Variants in SLTM observed in about 807,000 individuals in gnomAD.
SLTM encodes SAFB-like transcription modulator.
In SLTM, 43 loss-of-function variants were observed where a neutral mutation model predicts 134.6. That is an observed-to-expected ratio of 0.32 (90% CI 0.25 to 0.41). The LOEUF (loss-of-function observed/expected upper bound fraction) is 0.41. Ranked by LOEUF, SLTM falls within the 10% of genes least tolerant of loss-of-function variation. The probability of loss-of-function intolerance (pLI) is 1.00; values close to 1 mark genes in which losing one functional copy is unlikely to be tolerated. For synonymous variants in SLTM, 424 were observed against 432.3 expected (o/e 0.98, Z 0.24); for missense variants, 1,055 against 1,288.8 (o/e 0.82, Z 2.78).
chr15:58,903,004 C>T (rs987839907), intron 5 of SLTM, among the ~76,000 whole-genome samples: 4 of 152,026 alleles, frequency 2.6e-5, no homozygotes, highest in Non-Finnish European at 2.9e-5. Flanking sequence ...CGGGTTCAAG[C>T]GATTCTCCTG....
intron 5 of SLTM, among the ~76,000 whole-genome samples, chr15:58,909,826 T>C (rs1035836591): frequency 3.3e-5 from 5 of 152,198 alleles, no homozygotes; most frequent in African/African-American, 1.2e-4. Flanking sequence ...ATCCAGGCCT[T>C]GGAAGCTCTA....
chr15:58,879,788 A>C lies in SLTM; in HGVS notation c.*211T>G. The C allele has an allele frequency of 1.8e-6, 1 of 545,892 alleles. No homozygotes were observed. Among genetic ancestry groups the C allele is most frequent in the Non-Finnish European group, 3.0e-6 (1 of 337,010 alleles). 33.8% of individuals were successfully genotyped at this position (545,892 alleles called of 1,614,324 possible). A position where few individuals can be genotyped will look rare whatever the true frequency, so the allele number is the denominator to read the frequency against. The stretch of plus-strand genomic sequence containing the variant: ...AATGTGCCTCGGTGCTGCAAGAAAA[A>C]AAGTTGAATGATACACAAAACTATT... On this transcript the variant is annotated 3_prime_UTR_variant, in exon 21 of 21. Coordinates refer to ENST00000380516, the MANE Select transcript of SLTM (RefSeq NM_024755.4).
At chr15:58,889,632 A>C in intron 15 of SLTM, 78 bp from the exon 16 acceptor site, 2 of 1,560,236 alleles carry the variant, frequency 1.3e-6, no homozygotes, top group Non-Finnish European at 1.7e-6. Context: ...CCTTGTTTTA[A>C]TCCTGTTGCT....
At chr15:58,914,541 T>A (rs2036498892) in intron 3 of SLTM, among the ~76,000 whole-genome samples, 1 of 152,078 alleles carries the variant, frequency 6.6e-6, no homozygotes, top group South Asian at 2.1e-4. Flanking sequence ...GAGCAGGGGA[T>A]CTCTTGTTTG....
intron 5 of SLTM, among the ~76,000 whole-genome samples, chr15:58,903,897 T>C (rs939150811): frequency 1.3e-5 from 2 of 152,224 alleles, no homozygotes; most frequent in African/African-American, 2.4e-5. Flanking sequence ...TAGATTCATA[T>C]AAAAGCATGC....
intron 5 of SLTM, among the ~76,000 whole-genome samples, chr15:58,910,797 T>C (rs1212206883): frequency 6.8e-6 from 1 of 146,058 alleles, no homozygotes; most frequent in Non-Finnish European, 1.5e-5. Context: ...TAGGCTGGAG[T>C]GTAGTGGCAC....
At chr15:58,920,667 A>AAAT (rs2036977609) in intron 2 of SLTM, among the ~76,000 whole-genome samples, 5 of 149,212 alleles carry the variant, frequency 3.4e-5, no homozygotes, top group African/African-American at 1.2e-4. Context: ...ATAAATAAAA[A>AAAT]TTTTTTGGCT....
chr15:58,886,218 A>AGT (rs60261686), intron 19 of SLTM, among the ~76,000 whole-genome samples: 18,442 of 124,150 alleles, frequency 0.15, 1,382 homozygotes, highest in Middle Eastern at 0.18. Flanking sequence ...GAAAAAGAAG[A>AGT]GTGTGTGTGT....
chr15:58,882,127 G>A (rs1412945228), intron 20 of SLTM, among the ~76,000 whole-genome samples: 1 of 132,942 alleles, frequency 7.5e-6, no homozygotes, highest in Non-Finnish European at 1.5e-5. Context: ...AGAGGTTGCA[G>A]CGAGCCGAGA....
chr15:58,913,588 A>G lies in SLTM; in HGVS notation c.424T>C (p.Leu142=), dbSNP rs1331062912. The G allele has an allele frequency of 1.2e-6, 2 of 1,613,122 alleles. No homozygotes were observed. The highest frequency in any genetic ancestry group is 2.7e-5 in the African/African-American group (2 of 74,790). ...CTCTTGTTTTCTTCTGCAGAGAGTA[A>G]CTCCTTGGAATGCACATTTTCTTCT... ...NEEENVHSKE[L]LSAEENKRAH... is the part of the protein sequence containing the mutation. Residue 142 remains leucine, a synonymous_variant, in exon 4 of 21, where the codon TTA becomes CTA. Coordinates refer to ENST00000380516, the MANE Select transcript of SLTM (RefSeq NM_024755.4).
chr15:58,891,869 T>C (rs753388601), intron 14 of SLTM, among the ~76,000 whole-genome samples: 127 of 152,316 alleles, frequency 8.3e-4, no homozygotes, highest in Non-Finnish European at 1.3e-3. Context: ...CTTTTTTTAA[T>C]ATAAAAGGGA....
At chr15:58,927,553 G>A (rs772848470) in intron 2 of SLTM, among the ~76,000 whole-genome samples, 66 of 152,188 alleles carry the variant, frequency 4.3e-4, no homozygotes, top group Non-Finnish European at 5.4e-4. Context: ...TTACAGGCGT[G>A]AGCCATGCGC....
chr15:58,916,291 A>G (rs1039358472), intron 3 of SLTM, among the ~76,000 whole-genome samples: 2 of 151,158 alleles, frequency 1.3e-5, no homozygotes, highest in African/African-American at 4.9e-5. Context: ...CTCCTGCCTC[A>G]GCCTCTCAAG....
chr15:58,912,445 C>T (rs1276485633), intron 5 of SLTM, 118 bp downstream of exon 5: 2 of 943,574 alleles, frequency 2.1e-6, no homozygotes, highest in Non-Finnish European at 1.7e-6. Flanking sequence ...ACGTAAATAA[C>T]TCAGTATTAA....
In SLTM at chr15:58,899,319, A is replaced by T; in HGVS notation, c.1058+150T>A. The T allele has an allele frequency of 1.5e-6, 1 of 655,690 alleles. No homozygotes were observed. The highest frequency in any genetic ancestry group is 2.6e-6 in the Non-Finnish European group (1 of 389,596). The allele number at this position is 655,690 out of a possible 1,614,324, so 40.6% of individuals were successfully genotyped here. On this transcript the variant is annotated intron_variant, in intron 7 of 20. Transcript: ENST00000380516. The surrounding 1 kb of genome is among the most constrained non-coding windows in gnomAD (Gnocchi z 5.0). Reference sequence around the variant, plus strand: ...TATTATGAAGATCTTGAAAATTTTTAAAAGTAACTTATGACGGTCAAAAAT... The same window carrying T: ...TATTATGAAGATCTTGAAAATTTTTTAAAGTAACTTATGACGGTCAAAAAT...
At chr15:58,922,652 G>A (rs1381255427) in intron 2 of SLTM, among the ~76,000 whole-genome samples, 1 of 145,262 alleles carries the variant, frequency 6.9e-6, no homozygotes, top group Non-Finnish European at 1.5e-5. Flanking sequence ...TATATTATAT[G>A]CGTATATAAA....
intron 5 of SLTM, among the ~76,000 whole-genome samples, chr15:58,908,404 T>C (rs1365217942): frequency 5.9e-5 from 9 of 152,092 alleles, no homozygotes; most frequent in Admixed American, 2.6e-4. Flanking sequence ...TCTTGCTCTA[T>C]TGCCCAGGTT....
chr15:58,907,424 C>A (rs1380560232), intron 5 of SLTM, among the ~76,000 whole-genome samples: 15 of 152,052 alleles, frequency 9.9e-5, no homozygotes, highest in Admixed American at 7.9e-4. Flanking sequence ...GAGTTTGAGA[C>A]CAGACTGGGC....
At chr15:58,894,307 A>T in intron 10 of SLTM, 114 bp from the exon 11 acceptor site, 1 of 1,434,052 alleles carries the variant, frequency 7.0e-7, no homozygotes, top group African/African-American at 1.4e-5. Context: ...TAAGGAGAGT[A>T]AAAACTACAA....
Sources: gnomAD v4.1 joint callset for allele counts (sites outside exome capture counted in the v4.1 genomes callset) on GRCh38, gnomAD v4.1.1 for gene constraint, Gnocchi (gnomAD v3.1) non-coding constraint, MANE v1.5 for transcripts, NCBI Gene and HGNC (gene_info 2026-07-23, HGNC 2026-07-21) for gene names.